Variants in CDH11 observed in about 807,000 individuals in gnomAD.
CDH11 encodes the protein cadherin-11.
CDH11 carries 11 observed loss-of-function variants against 67.8 expected under a neutral mutation model. The ratio of observed to expected loss-of-function variants is 0.16; its 90% confidence interval spans 0.10 to 0.27. The LOEUF (loss-of-function observed/expected upper bound fraction) is 0.27, where lower values mean the gene tolerates loss of function less well. CDH11 is among the 10% of genes least tolerant of loss of function. The pLI is 1.00. For missense variants in CDH11, 847 were observed against 1,031.2 expected (o/e 0.82, Z 2.45); for synonymous variants, 419 against 400.0 (o/e 1.05, Z -0.57).
rs151251051 is a variant in CDH11 at position 64,976,202 on chromosome 16, G to A, written c.1254-3162C>T. 2.2e-3 allele frequency among the ~76,000 whole-genome samples: 341 copies of A among 152,208 alleles called. 3 individuals are homozygous for A. Among genetic ancestry groups the A allele is most frequent in the African/African-American group, 7.5e-3 (313 of 41,530 alleles). On this transcript the variant is annotated intron_variant, in intron 8 of 12. Transcript: ENST00000268603. ...TGAAGCATCCACTTAGGTCAATTAC[G>A]GCTTGGGTAAAAGCCCTATAGGTGA...
Position 65,081,271 on chromosome 16 carries a change from T to C in CDH11, c.-297-27343A>G, listed in dbSNP as rs140826513. ...CAAACAATGACCTGCACAGGGAAGGTAAGGAGCATCTACAGGGCTGGGCGC... is the reference window on the plus strand; with the variant it reads ...CAAACAATGACCTGCACAGGGAAGGCAAGGAGCATCTACAGGGCTGGGCGC... On this transcript the variant is annotated intron_variant, in intron 1 of 12. Coordinates refer to ENST00000268603, the MANE Select transcript of CDH11 (RefSeq NM_001797.4). Among the ~76,000 whole-genome samples, 398 of 152,130 alleles carry C rather than the reference T, an allele frequency of 2.6e-3. 3 individuals are homozygous for C. The highest frequency in any genetic ancestry group is 9.0e-3 in the African/African-American group (374 of 41,522).
chr16:64,971,558 C>A (rs370410162), intron 11 of CDH11, 21 bp downstream of exon 11: 2 of 1,398,472 alleles, frequency 1.4e-6, no homozygotes, highest in South Asian at 2.4e-5. Context: ...TCTCTGAATG[C>A]GTAGGAACCT....
Position 64,945,009 on chromosome 16 carries a change from G to T in CDH11, c.*2594C>A, listed in dbSNP as rs141868242. ...TGAATCCTCCAGTAAGTGGAACAGG[G>T]TTTATAAAATAAGATTTTGATGAAT... On this transcript the variant is annotated 3_prime_UTR_variant, in exon 13 of 13. Coordinates refer to ENST00000268603, the MANE Select transcript of CDH11 (RefSeq NM_001797.4). 1.5e-3 allele frequency: 321 copies of T among 208,920 alleles called. 1 individual carries two copies. Among genetic ancestry groups the T allele is most frequent in the African/African-American group, 6.6e-3 (293 of 44,206 alleles). The allele number at this position is 208,920 out of a possible 1,614,324, so 12.9% of individuals were successfully genotyped here.
intron 1 of CDH11, chr16:65,072,020 G>C (rs1024273752): frequency 6.6e-6 from 1 of 152,252 alleles, no homozygotes. Flanking sequence ...GAGAGGCCAG[G>C]CTTATTGATT....
intron 8 of CDH11, among the ~76,000 whole-genome samples, chr16:64,975,348 A>G (rs778414480): frequency 3.3e-5 from 5 of 152,176 alleles, no homozygotes; most frequent in African/African-American, 4.8e-5. Flanking sequence ...AGGAGCAAAT[A>G]AAAGAACGCA....
chr16:65,102,907 A>C, intron 1 of CDH11, among the ~76,000 whole-genome samples: 1 of 152,210 alleles, frequency 6.6e-6, no homozygotes, highest in East Asian at 1.9e-4. Flanking sequence ...AGATGCAGCA[A>C]AAACACTGAA....
intron 2 of CDH11, among the ~76,000 whole-genome samples, chr16:65,018,300 C>A (rs923766721): frequency 6.6e-6 from 1 of 152,100 alleles, no homozygotes; most frequent in Non-Finnish European, 1.5e-5. Flanking sequence ...CTTTTATTGG[C>A]TCTATAAGTC....
intron 7 of CDH11, among the ~76,000 whole-genome samples, chr16:64,983,490 C>A (rs1352905731): frequency 6.6e-6 from 1 of 152,152 alleles, no homozygotes; most frequent in African/African-American, 2.4e-5. Flanking sequence ...TGTCATTTGC[C>A]TGGCAAACGC....
At chr16:64,991,645 A>G in intron 6 of CDH11, 123 bp downstream of exon 6, 1 of 580,828 alleles carries the variant, frequency 1.7e-6, no homozygotes, top group Non-Finnish European at 3.1e-6. Context: ...TAAGAATGAT[A>G]TGAATTGCCC....
chr16:65,003,637 A>G (rs1416426054), intron 3 of CDH11, among the ~76,000 whole-genome samples: 1 of 152,126 alleles, frequency 6.6e-6, no homozygotes, highest in East Asian at 1.9e-4. Context: ...TGGGTAGGTA[A>G]TTTTCCAAAC....
intron 1 of CDH11, among the ~76,000 whole-genome samples, chr16:65,068,720 C>T (rs371051591): frequency 3.3e-5 from 5 of 152,204 alleles, no homozygotes; most frequent in African/African-American, 7.2e-5. Flanking sequence ...TGGTTTTTCC[C>T]GAAGAAACAT....
intron 2 of CDH11, among the ~76,000 whole-genome samples, chr16:65,009,246 T>C (rs963545257): frequency 6.6e-6 from 1 of 151,790 alleles, no homozygotes; most frequent in Non-Finnish European, 1.5e-5. Context: ...AAAAAAATTA[T>C]CCAAACCAAA....
rs534433961 is a variant in CDH11 at position 65,090,472 on chromosome 16, A to G, written c.-298+31408T>C. Among the ~76,000 whole-genome samples, 3 of 152,232 alleles carry G rather than the reference A, an allele frequency of 2.0e-5. No homozygotes were observed. In the East Asian group the frequency reaches 5.8e-4, roughly 30 times the overall value. On this transcript the variant is annotated intron_variant, in intron 1 of 12. Transcript: ENST00000268603. ...CTTAAGCCTTATTCTCCCCATCTGC[A>G]TCTTGATGATGCCTAATGTCCCTAT...
At position 64,950,873 on chromosome 16, in the gene CDH11, G is replaced by A. The variant is rs1185141824; in HGVS notation, c.1788C>T (p.Asp596=). The A allele has an allele frequency of 3.1e-6, 5 of 1,614,220 alleles. No individual in the cohort carries two copies. The highest frequency in any genetic ancestry group is 1.1e-5 in the South Asian group (1 of 91,088). ...NTLTIKVCGC[D]VNGALLSCNA... is the part of the protein sequence containing the mutation. ...TGCAGGAGAGCAGTGCCCCGTTCACGTCGCACCCGCAGACTTTGATGGTGA... is the reference window on the plus strand; with the variant it reads ...TGCAGGAGAGCAGTGCCCCGTTCACATCGCACCCGCAGACTTTGATGGTGA... The change falls in exon 12 of 13, where the codon GAC becomes GAT. Residue 596 remains aspartate (D), a synonymous_variant. Coordinates refer to ENST00000268603, the MANE Select transcript of CDH11 (RefSeq NM_001797.4).
At chr16:65,032,212 C>T (rs1383861697) in intron 2 of CDH11, among the ~76,000 whole-genome samples, 1 of 151,676 alleles carries the variant, frequency 6.6e-6, no homozygotes, top group Non-Finnish European at 1.5e-5. Flanking sequence ...ATCAGAGTGG[C>T]ACCGTGGTTC....
At chr16:64,953,699 AT>A (rs1183538570) in intron 11 of CDH11, among the ~76,000 whole-genome samples, 2 of 152,064 alleles carry the variant, frequency 1.3e-5, no homozygotes, top group African/African-American at 4.8e-5. Flanking sequence ...TTCAAAATAT[AT>A]TTTCTCTTCT....
intron 1 of CDH11, among the ~76,000 whole-genome samples, chr16:65,086,133 C>T (rs1039859059): frequency 1.3e-5 from 2 of 152,212 alleles, no homozygotes; most frequent in Non-Finnish European, 2.9e-5. Context: ...AAAATATCTT[C>T]TGGAGCTTTC....
At chr16:64,950,615 CACCCCG>C in intron 12 of CDH11, 146 bp downstream of exon 12, 1 of 884,874 alleles carries the variant, frequency 1.1e-6, no homozygotes, top group Non-Finnish European at 1.7e-6. Context: ...CCACAACGCC[CACCCCG>C]CCCCCGTACC....
chr16:65,039,925 A>G lies in CDH11; in HGVS notation c.-173+13879T>C, dbSNP rs1167932290. ...GATATGAACAGACACTTCTCAAAAG[A>G]AGACATTTATGCAGCCAAAAGACGT... On this transcript the variant is annotated intron_variant, in intron 2 of 12. Transcript: ENST00000268603. Among the ~76,000 whole-genome samples, 3 of 152,272 alleles carry G rather than the reference A, an allele frequency of 2.0e-5. No individual in the cohort carries two copies. In the East Asian group the frequency reaches 5.8e-4, roughly 29 times the overall value.
Sources: allele counts gnomAD v4.1 joint callset (sites outside exome capture counted in the v4.1 genomes callset), GRCh38; gene constraint gnomAD v4.1.1; transcripts MANE v1.5; gene names NCBI Gene and HGNC (gene_info 2026-07-23, HGNC 2026-07-21).